Variants in ZIC3 observed in about 807,000 individuals in gnomAD.
ZIC3 encodes zinc finger protein ZIC 3.
In ZIC3, 6 loss-of-function variants were observed where a neutral mutation model predicts 18.3. The ratio of observed to expected loss-of-function variants is 0.33; its 90% CI spans 0.18 to 0.65. The LOEUF (loss-of-function observed/expected upper bound fraction) is 0.65, where lower values mean the gene tolerates loss of function less well. Ranked by LOEUF, ZIC3 falls within the 30% of genes least tolerant of loss-of-function variation. ZIC3 has a pLI of 0.75. For missense variants in ZIC3, 260 were observed against 410.0 expected (o/e 0.63, Z 3.16); for synonymous variants, 175 against 177.0 (o/e 0.99, Z 0.09).
At chrX:137,567,996 G>C (rs905055594) in intron 1 of ZIC3, among the ~76,000 whole-genome samples, 2 of 113,173 alleles carry the variant, frequency 1.8e-5, no homozygotes, top group East Asian at 2.8e-4. Context: ...GGACCTTCTC[G>C]CGCCCAGGAA....
rs146760336 is a variant in ZIC3, at chrX:137,567,881, A to G, written c.1060+130A>G. ...GCCCCGCAACGGCCGCTCGAAAAAGAAGCGCTGTCAGTGACCATCCACCCC... is the reference window on the plus strand; with the variant it reads ...GCCCCGCAACGGCCGCTCGAAAAAGGAGCGCTGTCAGTGACCATCCACCCC... On this transcript the variant is annotated intron_variant, in intron 1 of 2. Coordinates refer to ENST00000287538, the MANE Select transcript of ZIC3 (RefSeq NM_003413.4). 1,546 of 1,106,250 alleles carry G rather than the reference A, an allele frequency of 1.4e-3. 16 individuals carry two copies. In the African/African-American group the frequency reaches 0.025, roughly 18 times the overall value. 91.2% of individuals were successfully genotyped at this position (1,106,250 alleles called of 1,213,427 possible). A position where few individuals can be genotyped will look rare whatever the true frequency, so the allele number is the denominator to read the frequency against.
Position 137,566,596 on chromosome X carries a change from C to T in ZIC3, c.-96C>T. The T allele has an allele frequency of 1.7e-6, 2 of 1,153,651 alleles. No individual in the cohort carries two copies. Among genetic ancestry groups the T allele is most frequent in the Non-Finnish European group, 2.3e-6 (2 of 871,170 alleles). ...GTCTCCCCGCAGTGTCCAACCGCCG[C>T]CACCCCTTTCCGACTACGGCACTTC... On this transcript the variant is annotated 5_prime_UTR_variant, in exon 1 of 3. Transcript: ENST00000287538.
At position 137,566,474 on chromosome X, in the gene ZIC3, A is replaced by ACCCCC; in HGVS notation, c.-217_-213dup. ...CCTCCCTCCTCCTCCCCCCGCCAAC[A>ACCCCC]CCCCCTCCCTGCTCTTTCTTCCCCT... On this transcript the variant is annotated 5_prime_UTR_variant, in exon 1 of 3. Coordinates refer to ENST00000287538, the MANE Select transcript of ZIC3 (RefSeq NM_003413.4). 3 of 78,972 alleles carry ACCCCC rather than the reference A, an allele frequency of 3.8e-5. No homozygotes were observed. The highest frequency in any genetic ancestry group is 6.2e-5 in the Non-Finnish European group (3 of 48,672). 6.5% of individuals were successfully genotyped at this position (78,972 alleles called of 1,213,427 possible).
chrX:137,569,178 T>G, intron 2 of ZIC3, 113 bp downstream of exon 2: 1 of 806,719 alleles, frequency 1.2e-6, no homozygotes, highest in South Asian at 2.1e-5. Flanking sequence ...TAAATCCGAT[T>G]TGCTCCAGCA....
chrX:137,570,158 A>C lies in ZIC3; in HGVS notation c.*88A>C, dbSNP rs980305777. On this transcript the variant is annotated 3_prime_UTR_variant, in exon 3 of 3. Transcript: ENST00000287538. Reference sequence around the variant, plus strand: ...ACCAATCAGATGGAAATGGAGTTTTAAGGCAAGAGGCCATATATAGGGCTA... The same window carrying C: ...ACCAATCAGATGGAAATGGAGTTTTCAGGCAAGAGGCCATATATAGGGCTA... The C allele has an allele frequency of 9.3e-6, 10 of 1,077,140 alleles. No homozygotes were observed. The highest frequency in any genetic ancestry group is 4.4e-5 in the Admixed American group (2 of 45,692). The allele number at this position is 1,077,140 out of a possible 1,213,427, so 88.8% of individuals were successfully genotyped here. A position where few individuals can be genotyped will look rare whatever the true frequency, so the allele number is the denominator to read the frequency against.
downstream of ZIC3, among the ~76,000 whole-genome samples, chrX:137,573,482 T>C (rs1014789031): frequency 9.0e-6 from 1 of 111,676 alleles, no homozygotes; most frequent in Non-Finnish European, 1.9e-5. Context: ...CCAGGAAAGT[T>C]GGAGTGTTCA....
chrX:137,575,002 C>CA (rs1368759010), downstream of ZIC3, among the ~76,000 whole-genome samples: 13 of 111,433 alleles, frequency 1.2e-4, no homozygotes, highest in Admixed American at 1.2e-3. Flanking sequence ...GGGACTTGGA[C>CA]AAAAAACCCG....
At chrX:137,575,585 A>T, downstream of ZIC3, among the ~76,000 whole-genome samples, 1 of 111,734 alleles carries the variant, frequency 8.9e-6, no homozygotes, top group East Asian at 2.8e-4. Flanking sequence ...CAGCTCCTCT[A>T]GGAAAATAAG....
At position 137,566,787 on chromosome X, in the gene ZIC3, G is replaced by T; in HGVS notation, c.96G>T (p.Pro32=). Residue 32 remains proline, a synonymous_variant, in exon 1 of 3, where the codon CCG becomes CCT. Transcript: ENST00000287538. ...PRHHEMPNRE[P]AGMGLNPFGD... ...ACCACGAGATGCCCAACCGTGAGCC[G>T]GCAGGCATGGGGCTGAATCCCTTCG... 8.5e-7 allele frequency: 1 copy of T among 1,179,753 alleles called. No individual in the cohort carries two copies. Among genetic ancestry groups the T allele is most frequent in the Non-Finnish European group, 1.1e-6 (1 of 881,370 alleles).
chrX:137,569,977 CA>C lies in ZIC3; in HGVS notation c.1312del (p.Ser438ValfsTer38). On this transcript the variant is annotated frameshift_variant, in exon 3 of 3. Coordinates refer to ENST00000287538, the MANE Select transcript of ZIC3 (RefSeq NM_003413.4). LOFTEE classifies it high-confidence loss of function. The part of the protein sequence containing the change: ...STPPAIASAN[S>X]KDTTKTPSAV... ...CTCCACCCGCTATAGCTTCTGCAAA[CA>C]GTAAAGATACCACTAAAACCCCTTC... The C allele has an allele frequency of 8.3e-7, 1 of 1,211,958 alleles. No individual in the cohort carries two copies. The highest frequency in any genetic ancestry group is 1.1e-6 in the Non-Finnish European group (1 of 895,462).
At chrX:137,568,351 TATC>T in intron 1 of ZIC3, among the ~76,000 whole-genome samples, 1 of 109,082 alleles carries the variant, frequency 9.2e-6, no homozygotes, top group Non-Finnish European at 1.9e-5. Context: ...TCTATCTATC[TATC>T]TATCTATCTA....
rs945584167 is a variant in ZIC3, at chrX:137,567,467, C to T, written c.776C>T (p.Ala259Val). 2 of 1,211,953 alleles carry T rather than the reference C, an allele frequency of 1.7e-6. No homozygotes were observed. The highest frequency in any genetic ancestry group is 4.6e-4 in the Middle Eastern group (2 of 4,356). ...QELSCKWIDEAQLSRPKKSCD... is the reference protein window; with the variant it reads ...QELSCKWIDEVQLSRPKKSCD... Reference sequence around the variant, plus strand: ...CTGTCGTGCAAGTGGATCGACGAGGCTCAGCTGAGCCGGCCCAAGAAGAGC... The same window carrying T: ...CTGTCGTGCAAGTGGATCGACGAGGTTCAGCTGAGCCGGCCCAAGAAGAGC... Residue 259 changes from alanine to valine, a missense_variant, in exon 1 of 3, where the codon GCT becomes GTT. Ala to Val is a moderately conservative substitution (Grantham distance 64). Coordinates refer to ENST00000287538, the MANE Select transcript of ZIC3 (RefSeq NM_003413.4).
downstream of ZIC3, among the ~76,000 whole-genome samples, chrX:137,573,337 C>T (rs754131874): frequency 2.7e-5 from 3 of 111,221 alleles, no homozygotes; most frequent in South Asian, 3.8e-4. Context: ...GCTATTTCCA[C>T]GCAAGACAGA....
rs1931441415 is a variant in ZIC3, at chrX:137,571,753, T to C, written c.*1683T>C. Reference sequence around the variant, plus strand: ...TGTTAACAATCCATTTAATCTTCAGTGAAGCAACTCATTTGGACAAACAGT... The same window carrying C: ...TGTTAACAATCCATTTAATCTTCAGCGAAGCAACTCATTTGGACAAACAGT... On this transcript the variant is annotated 3_prime_UTR_variant, in exon 3 of 3. Transcript: ENST00000287538. Among the ~76,000 whole-genome samples the C allele has an allele frequency of 8.9e-6, 1 of 112,469 alleles. No homozygotes were observed. The highest frequency in any genetic ancestry group is 3.2e-5 in the African/African-American group (1 of 30,983).
At position 137,571,381 on chromosome X, in the gene ZIC3, T is replaced by C. The variant is rs189095612; in HGVS notation, c.*1311T>C. 37 of 112,190 alleles carry C rather than the reference T, an allele frequency of 3.3e-4. No homozygotes were observed. Among genetic ancestry groups the C allele is most frequent in the African/African-American group, 1.2e-3 (37 of 30,872 alleles). 9.2% of individuals were successfully genotyped at this position (112,190 alleles called of 1,213,427 possible). A position where few individuals can be genotyped will look rare whatever the true frequency, so the allele number is the denominator to read the frequency against. ...TCAATCTATCTAGTAGCTATCTATATATTTTCAAAAGATAGCTTATGTCTA... is the reference window on the plus strand; with the variant it reads ...TCAATCTATCTAGTAGCTATCTATACATTTTCAAAAGATAGCTTATGTCTA... On this transcript the variant is annotated 3_prime_UTR_variant, in exon 3 of 3. Coordinates refer to ENST00000287538, the MANE Select transcript of ZIC3 (RefSeq NM_003413.4).
chrX:137,570,121 A>G lies in ZIC3; in HGVS notation c.*51A>G. The G allele has an allele frequency of 8.5e-7, 1 of 1,176,075 alleles. No homozygotes were observed. Among genetic ancestry groups the G allele is most frequent in the Non-Finnish European group, 1.2e-6 (1 of 862,857 alleles). On this transcript the variant is annotated 3_prime_UTR_variant, in exon 3 of 3. Coordinates refer to ENST00000287538, the MANE Select transcript of ZIC3 (RefSeq NM_003413.4). Reference sequence around the variant, plus strand: ...TAGAATGGACCAAATACATTTTTAAAAGAAAACTGAGACCAATCAGATGGA... The same window carrying G: ...TAGAATGGACCAAATACATTTTTAAGAGAAAACTGAGACCAATCAGATGGA...
chrX:137,568,496 GATTGTCCTGTCCGGGGCCC>G (rs1252663856), intron 1 of ZIC3, among the ~76,000 whole-genome samples: 5 of 112,178 alleles, frequency 4.5e-5, no homozygotes, highest in Non-Finnish European at 9.4e-5. Context: ...GGCTGAACGG[GATTGTCCTGTCCGGGGCCC>G]ATTGTCCCGC....
rs1931421187 is a variant in ZIC3, at chrX:137,570,407, G to A, written c.*337G>A. The stretch of plus-strand genomic sequence containing the variant: ...GTTTCTTGAGAGGAAGTTATAGAAG[G>A]CTTGTTGGTGGTGGTGATGTTAAAC... On this transcript the variant is annotated 3_prime_UTR_variant, in exon 3 of 3. Coordinates refer to ENST00000287538, the MANE Select transcript of ZIC3 (RefSeq NM_003413.4). 1 of 266,447 alleles carries A rather than the reference G, an allele frequency of 3.8e-6. No individual in the cohort carries two copies. Among genetic ancestry groups the A allele is most frequent in the African/African-American group, 2.8e-5 (1 of 36,226 alleles). 22.0% of individuals were successfully genotyped at this position (266,447 alleles called of 1,213,427 possible). A position where few individuals can be genotyped will look rare whatever the true frequency, so the allele number is the denominator to read the frequency against.
rs747483692 is a variant in ZIC3, at chrX:137,567,572, A to G, written c.881A>G (p.Asn294Ser). The change falls in exon 1 of 3, where the codon AAC becomes AGC. Residue 294 changes from asparagine to serine, a missense_variant. Transcript: ENST00000287538. ...CATGTGGGGGGCCCGGAGCAGAACA[A>G]CCACGTCTGCTACTGGGAGGAGTGC... Reference protein sequence around the residue: ...MEHVGGPEQNNHVCYWEECPR... With the variant: ...MEHVGGPEQNSHVCYWEECPR... 1 of 1,212,497 alleles carries G rather than the reference A, an allele frequency of 8.2e-7. No homozygotes were observed. Among genetic ancestry groups the G allele is most frequent in the East Asian group, 3.0e-5 (1 of 33,834 alleles).
Sources: gnomAD v4.1 joint callset for allele counts (sites outside exome capture counted in the v4.1 genomes callset) on GRCh38, gnomAD v4.1.1 for gene constraint, MANE v1.5 for transcripts, NCBI Gene and HGNC (gene_info 2026-07-23, HGNC 2026-07-21) for gene names.